FSTL4: variants seen among roughly 807,000 people sequenced by gnomAD.
FSTL4 encodes the protein follistatin like 4, also known as follistatin-related protein 4.
FSTL4 carries 28 observed loss-of-function variants against 78.2 expected under a neutral mutation model. That is an observed-to-expected ratio of 0.36 (90% confidence interval 0.27 to 0.49). The LOEUF is 0.49. FSTL4 is among the 20% of genes least tolerant of loss of function. FSTL4 has a pLI of 0.98. For synonymous variants in FSTL4, 422 were observed against 440.5 expected, an observed-to-expected ratio of 0.96 and a Z score of 0.53; for missense variants, 922 against 1,084.9, an observed-to-expected ratio of 0.85 and a Z score of 2.11.
At chr5:133,536,214 A>C (rs1395418204) in intron 3 of FSTL4, among the ~76,000 whole-genome samples, 2 of 152,228 alleles carry the variant, frequency 1.3e-5, no homozygotes, top group African/African-American at 4.8e-5. Context: ...ATAACGAAGG[A>C]AAGAAAAATT....
the FSTL4 span, among the ~76,000 whole-genome samples, chr5:133,752,624 A>T: frequency 0.47 from 69,255 of 147,050 alleles, 16,875 homozygotes; most frequent in East Asian, 0.8. Flanking sequence ...AAAATAAAAT[A>T]AAATTAAATT....
chr5:133,756,378 G>C, the FSTL4 span, among the ~76,000 whole-genome samples: 1 of 151,866 alleles, frequency 6.6e-6, no homozygotes, highest in Non-Finnish European at 1.5e-5. Context: ...CTTTTACTCT[G>C]TGTGGCAGAA....
the FSTL4 span, among the ~76,000 whole-genome samples, chr5:133,791,332 A>C: frequency 8.6e-5 from 13 of 151,982 alleles, no homozygotes; most frequent in African/African-American, 3.1e-4. Context: ...CATCCTACTC[A>C]TTCTTGTTTC....
intron 3 of FSTL4, among the ~76,000 whole-genome samples, chr5:133,430,578 T>C (rs1756913004): frequency 6.6e-6 from 1 of 152,190 alleles, no homozygotes; most frequent in Non-Finnish European, 1.5e-5. Context: ...CAGGCATGCC[T>C]CGGCACCACC....
At chr5:133,741,685 G>A in the FSTL4 span, among the ~76,000 whole-genome samples, 1 of 152,172 alleles carries the variant, frequency 6.6e-6, no homozygotes, top group South Asian at 2.1e-4. Context: ...TGAGGCTCAA[G>A]GTTGTCACAG....
In FSTL4 at chr5:133,476,542, G is replaced by A. The variant is rs139604539; in HGVS notation, c.161-75556C>T. ...GTAAATATTCATGCATGATGGGAAA[G>A]CTAGTTAGAGAGAAGTTGTTGTGGA... On this transcript the variant is annotated intron_variant, in intron 3 of 15. Coordinates refer to ENST00000265342, the MANE Select transcript of FSTL4 (RefSeq NM_015082.2). Among the ~76,000 whole-genome samples the A allele has an allele frequency of 7.9e-4, 120 of 152,350 alleles. 1 individual carries two copies. In the East Asian group the frequency reaches 0.019, roughly 25 times the overall value.
intron 3 of FSTL4, among the ~76,000 whole-genome samples, chr5:133,560,642 G>A (rs1010086408): frequency 1.3e-5 from 2 of 152,104 alleles, no homozygotes; most frequent in Non-Finnish European, 2.9e-5. Context: ...GGGATTACAG[G>A]CGTGAGCCAC....
chr5:133,237,542 C>T (rs967476594), intron 7 of FSTL4, among the ~76,000 whole-genome samples: 1 of 152,122 alleles, frequency 6.6e-6, no homozygotes, highest in African/African-American at 2.4e-5. Context: ...CTAAGCATTA[C>T]CTGTCTGTGG....
chr5:133,469,754 A>C (rs187722934), intron 3 of FSTL4, among the ~76,000 whole-genome samples: 1 of 152,236 alleles, frequency 6.6e-6, no homozygotes, highest in East Asian at 1.9e-4. Context: ...ATTTAAGTAC[A>C]TTTCCAGAAC....
the FSTL4 span, among the ~76,000 whole-genome samples, chr5:133,661,916 C>T: frequency 2.6e-5 from 4 of 152,148 alleles, no homozygotes; most frequent in African/African-American, 7.2e-5. Flanking sequence ...AGTCACTCAT[C>T]GTGTATTCAA....
chr5:133,301,386 C>T (rs143985091), intron 6 of FSTL4, among the ~76,000 whole-genome samples: 2,114 of 152,216 alleles, frequency 0.014, 28 homozygotes, highest in South Asian at 0.028. Context: ...GCATCTGGCA[C>T]GTGGTGAGCA....
At chr5:133,489,935 A>G (rs1758222722) in intron 3 of FSTL4, among the ~76,000 whole-genome samples, 1 of 152,158 alleles carries the variant, frequency 6.6e-6, no homozygotes, top group South Asian at 2.1e-4. Context: ...CAGTGACATC[A>G]TCTCCTACAA....
At chr5:133,299,054 G>A (rs1753471133) in intron 6 of FSTL4, among the ~76,000 whole-genome samples, 3 of 152,326 alleles carry the variant, frequency 2.0e-5, no homozygotes, top group South Asian at 4.1e-4. Context: ...CAGGTTGGGT[G>A]CAGTCAGTCT....
chr5:133,559,878 G>A (rs1353980952), intron 3 of FSTL4, among the ~76,000 whole-genome samples: 1 of 152,204 alleles, frequency 6.6e-6, no homozygotes. Context: ...GGAAGAGCAA[G>A]CTCAGCAAAT....
intron 6 of FSTL4, chr5:133,252,269 G>A (rs1001119220): frequency 1.3e-5 from 2 of 152,246 alleles, no homozygotes; most frequent in African/African-American, 4.8e-5. Flanking sequence ...CTGATCTGTG[G>A]TCAGACTAGA....
chr5:133,774,872 T>A, the FSTL4 span, among the ~76,000 whole-genome samples: 1 of 152,202 alleles, frequency 6.6e-6, no homozygotes, highest in African/African-American at 2.4e-5. Context: ...AAGACATGCA[T>A]GCCAGAAAAT....
chr5:133,734,057 A>C, the FSTL4 span, among the ~76,000 whole-genome samples: 2 of 152,230 alleles, frequency 1.3e-5, no homozygotes, highest in Non-Finnish European at 2.9e-5. Context: ...TCTATATCCT[A>C]GCCTTGGAAT....
At chr5:133,833,258 C>G in the FSTL4 span, among the ~76,000 whole-genome samples, 1 of 152,172 alleles carries the variant, frequency 6.6e-6, no homozygotes, top group Admixed American at 6.5e-5. Flanking sequence ...GTTACTGCAG[C>G]AAACCTACCC....
At chr5:133,831,685 T>A in the FSTL4 span, among the ~76,000 whole-genome samples, 1 of 152,212 alleles carries the variant, frequency 6.6e-6, no homozygotes, top group Admixed American at 6.5e-5. Context: ...AAAGACTGCA[T>A]GAAGATGTGC....
Sources: gnomAD v4.1 joint callset for allele counts (sites outside exome capture counted in the v4.1 genomes callset) on GRCh38, gnomAD v4.1.1 for gene constraint, MANE v1.5 for transcripts, NCBI Gene and HGNC (gene_info 2026-07-23, HGNC 2026-07-21) for gene names.